Variants in GABBR1 observed in about 807,000 individuals in gnomAD.
GABBR1 encodes GABA-B receptor, R1 subunit.
Under a neutral mutation model 117.7 loss-of-function variants are expected in GABBR1, and 35 were observed. The ratio of observed to expected loss-of-function variants is 0.30; its 90% CI spans 0.23 to 0.39. The LOEUF (loss-of-function observed/expected upper bound fraction) is 0.39. GABBR1 is among the 10% of genes least tolerant of loss of function. The pLI, the probability that GABBR1 is intolerant of heterozygous loss-of-function variation, is 1.00. For synonymous variants in GABBR1, 442 were observed against 486.6 expected (o/e 0.91, Z 1.21); for missense variants, 709 against 1,241.8 (o/e 0.57, Z 6.45).
rs1764379113 is a variant in GABBR1 at position 29,627,369 on chromosome 6, G to C, written c.657+117C>G. ...AGCCCATCTCCTGCCAGTCACACAA[G>C]GGAGGGGTCTGCCTCGCAATCCCAG... On this transcript the variant is annotated intron_variant, in intron 6 of 22. Coordinates refer to ENST00000377034, the MANE Select transcript of GABBR1 (RefSeq NM_001470.4). The surrounding 1 kb of genome is among the most constrained non-coding windows in gnomAD (Gnocchi z 4.4). The C allele has an allele frequency of 9.5e-7, 1 of 1,049,324 alleles. No individual in the cohort carries two copies. Among genetic ancestry groups the C allele is most frequent in the Admixed American group, 2.6e-5 (1 of 38,222 alleles). 65.0% of individuals were successfully genotyped at this position (1,049,324 alleles called of 1,614,324 possible).
In GABBR1 at chr6:29,632,490, C is replaced by T; in HGVS notation, c.1-105G>A. The T allele has an allele frequency of 9.3e-7, 1 of 1,079,860 alleles. No homozygotes were observed. Among genetic ancestry groups the T allele is most frequent in the Non-Finnish European group, 1.2e-6 (1 of 804,640 alleles). 66.9% of individuals were successfully genotyped at this position (1,079,860 alleles called of 1,614,324 possible). A position where few individuals can be genotyped will look rare whatever the true frequency, so the allele number is the denominator to read the frequency against. ...GGTTGCCTCGCAGGCTCCGACCGGG[C>T]TCAGCCTGGGGACCAAGAGAGCGCC... is the stretch of plus-strand genomic sequence containing the variant. On this transcript the variant is annotated intron_variant, in intron 1 of 22. Transcript: ENST00000377034. This position sits in a 1 kb window ranked among gnomAD's most constrained non-coding sequence, Gnocchi z 5.8.
chr6:29,606,403 T>A lies in GABBR1; in HGVS notation c.2299A>T (p.Asn767Tyr). The change falls in exon 19 of 23, where the codon AAT (asparagine) becomes TAT (tyrosine). Residue 767 changes from asparagine to tyrosine, a missense_variant. Physicochemically the swap from Asn to Tyr is moderately radical, Grantham distance 143. This residue lies in a region of GABBR1 where 251 missense variants were observed against 445.3 expected (regional missense o/e 0.56). Transcript: ENST00000377034. This position sits in a 1 kb window ranked among gnomAD's most constrained non-coding sequence, Gnocchi z 4.5. ...ACATCCCACACACCAAGCCATGTAT[T>A]CATCTTCCTGGAGCTGCAATGCTCC... is the stretch of plus-strand genomic sequence containing the variant. Reference protein sequence around the residue: ...QLEHCSSRKMNTWLGIFYGYK... With the variant: ...QLEHCSSRKMYTWLGIFYGYK... 6 of 1,611,912 alleles carry A rather than the reference T, an allele frequency of 3.7e-6. No homozygotes were observed. Among genetic ancestry groups the A allele is most frequent in the Non-Finnish European group, 5.1e-6 (6 of 1,178,910 alleles).
At chr6:29,616,158 G>A (rs942940840) in intron 11 of GABBR1, among the ~76,000 whole-genome samples, 28 of 151,726 alleles carry the variant, frequency 1.8e-4, no homozygotes, top group African/African-American at 5.6e-4. Context: ...CCAAGATCGC[G>A]CCATTGCACT....
At chr6:29,626,406 G>C (rs1301750296) in intron 6 of GABBR1, among the ~76,000 whole-genome samples, 1 of 151,718 alleles carries the variant, frequency 6.6e-6, no homozygotes, top group Non-Finnish European at 1.5e-5. Context: ...AAGTCTCTGG[G>C]GCCACATGTC....
At position 29,602,832 on chromosome 6, in the gene GABBR1, T is replaced by C. The variant is rs1304401638; in HGVS notation, c.*711A>G. The C allele has an allele frequency of 1.7e-5, 6 of 360,790 alleles. No individual in the cohort carries two copies. The highest frequency in any genetic ancestry group is 1.0e-4 in the South Asian group (5 of 48,130). 22.3% of individuals were successfully genotyped at this position (360,790 alleles called of 1,614,324 possible). ...CCCATGACCATGAGAGGGGCACACGTAGCTGTGAATGCAGGGCACCCGAGA... is the reference window on the plus strand; with the variant it reads ...CCCATGACCATGAGAGGGGCACACGCAGCTGTGAATGCAGGGCACCCGAGA... On this transcript the variant is annotated 3_prime_UTR_variant, in exon 23 of 23. Coordinates refer to ENST00000377034, the MANE Select transcript of GABBR1 (RefSeq NM_001470.4).
At chr6:29,616,649 T>C (rs1477974921) in intron 11 of GABBR1, among the ~76,000 whole-genome samples, 2 of 150,886 alleles carry the variant, frequency 1.3e-5, no homozygotes, top group Non-Finnish European at 3.0e-5. Context: ...CACACCATTG[T>C]GCTCCAGCCT....
Position 29,613,470 on chromosome 6 carries a change from C to A in GABBR1, c.1339G>T (p.Val447Leu). The change falls in exon 12 of 23, where the codon GTG (valine) becomes TTG (leucine). Residue 447 changes from valine (V) to leucine (L), a missense_variant. Physicochemically the swap from Val to Leu is conservative, Grantham distance 32. Around this residue, in one of 9 missense-constraint regions of GABBR1, gnomAD observed 192 missense variants for 418.4 expected, o/e 0.46. Coordinates refer to ENST00000377034, the MANE Select transcript of GABBR1 (RefSeq NM_001470.4). This position sits in a 1 kb window ranked among gnomAD's most constrained non-coding sequence, Gnocchi z 4.1. ...SISNMTSQEFVEKLTKRLKRH... is the reference protein window; with the variant it reads ...SISNMTSQEFLEKLTKRLKRH... ...TTCAGTCGCTTGGTTAGTTTCTCCA[C>A]AAATTCCTGGGATGTCTTGGGAGGA... The A allele has an allele frequency of 6.2e-7, 1 of 1,612,772 alleles. No homozygotes were observed.
rs1762504128 is a variant in GABBR1, at chr6:29,611,191, T to C, written c.1631-190A>G. The C allele has an allele frequency of 5.5e-6, 3 of 542,966 alleles. No individual in the cohort carries two copies. Among genetic ancestry groups the C allele is most frequent in the Middle Eastern group, 4.7e-4 (1 of 2,124 alleles). 33.6% of individuals were successfully genotyped at this position (542,966 alleles called of 1,614,324 possible). On this transcript the variant is annotated intron_variant, in intron 13 of 22. Transcript: ENST00000377034. The surrounding 1 kb of genome is among the most constrained non-coding windows in gnomAD (Gnocchi z 4.6). ...AACATGACTTAAAAGCAATATAAGG[T>C]GGTTCCCAAGACAACTCAAATAAAT...
In GABBR1 at chr6:29,623,153, G is replaced by A. The variant is rs976511268; in HGVS notation, c.963+152C>T. 3.0e-6 allele frequency: 2 copies of A among 659,208 alleles called. No homozygotes were observed. The highest frequency in any genetic ancestry group is 5.1e-6 in the Non-Finnish European group (2 of 394,540). 40.8% of individuals were successfully genotyped at this position (659,208 alleles called of 1,614,324 possible). A position where few individuals can be genotyped will look rare whatever the true frequency, so the allele number is the denominator to read the frequency against. ...AAAACTCAACTCATTCTTTCCCCTG[G>A]CTACAGAAAGAACTGCACTTAATCC... On this transcript the variant is annotated intron_variant, in intron 8 of 22. Transcript: ENST00000377034. The surrounding 1 kb of genome is among the most constrained non-coding windows in gnomAD (Gnocchi z 6.2).
At chr6:29,629,195 T>A (rs760519887) in intron 4 of GABBR1, 88 bp from the exon 5 acceptor site, 1 of 1,464,018 alleles carries the variant, frequency 6.8e-7, no homozygotes, top group Non-Finnish European at 9.5e-7. Flanking sequence ...CCCACACCTG[T>A]CCATGCTGAA....
chr6:29,606,223 C>T lies in GABBR1; in HGVS notation c.2311+168G>A, dbSNP rs1010420026. The stretch of plus-strand genomic sequence containing the variant: ...CCTCATAGCAAAAGAGCAACTCTCC[C>T]CTATTCTCAGAAAAGATTAGTGCAA... On this transcript the variant is annotated intron_variant, in intron 19 of 22. Transcript: ENST00000377034. This position sits in a 1 kb window ranked among gnomAD's most constrained non-coding sequence, Gnocchi z 4.5. 3.5e-5 allele frequency: 22 copies of T among 634,786 alleles called. No homozygotes were observed. In the Admixed American group the frequency reaches 4.8e-4, roughly 14 times the overall value. 39.3% of individuals were successfully genotyped at this position (634,786 alleles called of 1,614,324 possible). A position where few individuals can be genotyped will look rare whatever the true frequency, so the allele number is the denominator to read the frequency against.
Position 29,603,136 on chromosome 6 carries a change from A to C in GABBR1, c.*407T>G. The C allele has an allele frequency of 2.1e-6, 1 of 468,144 alleles. No homozygotes were observed. The highest frequency in any genetic ancestry group is 1.5e-5 in the South Asian group (1 of 64,660). 29.0% of individuals were successfully genotyped at this position (468,144 alleles called of 1,614,324 possible). On this transcript the variant is annotated 3_prime_UTR_variant, in exon 23 of 23. Coordinates refer to ENST00000377034, the MANE Select transcript of GABBR1 (RefSeq NM_001470.4). ...GAGGCCCCTTTGGGGTGGAAAGAGC[A>C]CTTGTTGGGAGACCCCTGCTGGACA...
At chr6:29,628,665 G>A (rs773197094) in intron 5 of GABBR1, among the ~76,000 whole-genome samples, 8 of 151,842 alleles carry the variant, frequency 5.3e-5, no homozygotes, top group African/African-American at 9.7e-5. Context: ...GGTTGGGATG[G>A]GTGGGACAGG....
In GABBR1 at chr6:29,632,651, G is replaced by T; in HGVS notation, c.-1+199C>A. ...CACCTCTCACCACCTCCTCTCCCCC[G>T]GCCCCCGCGGCTCGCAGAAGCCTGG... On this transcript the variant is annotated intron_variant, in intron 1 of 22. Transcript: ENST00000377034. The surrounding 1 kb of genome is among the most constrained non-coding windows in gnomAD (Gnocchi z 5.8). 1 of 1,262,284 alleles carries T rather than the reference G, an allele frequency of 7.9e-7. No individual in the cohort carries two copies. Among genetic ancestry groups the T allele is most frequent in the Non-Finnish European group, 1.0e-6 (1 of 998,100 alleles). 78.2% of individuals were successfully genotyped at this position (1,262,284 alleles called of 1,614,324 possible). A position where few individuals can be genotyped will look rare whatever the true frequency, so the allele number is the denominator to read the frequency against.
rs776503786 is a variant in GABBR1 at position 29,606,523 on chromosome 6, G to C, written c.2218-39C>G. 6.5e-6 allele frequency: 9 copies of C among 1,392,502 alleles called. No individual in the cohort carries two copies. The highest frequency in any genetic ancestry group is 7.2e-6 in the Non-Finnish European group (7 of 978,416). 86.3% of individuals were successfully genotyped at this position (1,392,502 alleles called of 1,614,324 possible). A position where few individuals can be genotyped will look rare whatever the true frequency, so the allele number is the denominator to read the frequency against. On this transcript the variant is annotated intron_variant, in intron 18 of 22. Transcript: ENST00000377034. This position sits in a 1 kb window ranked among gnomAD's most constrained non-coding sequence, Gnocchi z 4.5. Reference sequence around the variant, plus strand: ...AAGGTCACAAGAAAGATGGTTGCCAGCCTCCCCTCCTCTCCTCAACGCTTC... The same window carrying C: ...AAGGTCACAAGAAAGATGGTTGCCACCCTCCCCTCCTCTCCTCAACGCTTC...
chr6:29,617,108 T>A (rs1554189041), intron 11 of GABBR1, among the ~76,000 whole-genome samples: 1 of 151,892 alleles, frequency 6.6e-6, no homozygotes, highest in Non-Finnish European at 1.5e-5. Flanking sequence ...TTATTCAGCT[T>A]TAAAATGAGA....
At position 29,606,410 on chromosome 6, in the gene GABBR1, C is replaced by T. The variant is rs778417397; in HGVS notation, c.2292G>A (p.Arg764=). ...ACACACCAAGCCATGTATTCATCTT[C>T]CTGGAGCTGCAATGCTCCAGCTGGG... ...ILPQLEHCSS[R]KMNTWLGIFY... is the part of the protein sequence containing the mutation. Residue 764 remains arginine, a synonymous_variant, in exon 19 of 23, where the codon AGG becomes AGA. Transcript: ENST00000377034. The surrounding 1 kb of genome is among the most constrained non-coding windows in gnomAD (Gnocchi z 4.5). 6.2e-7 allele frequency: 1 copy of T among 1,612,226 alleles called. No homozygotes were observed. The highest frequency in any genetic ancestry group is 1.1e-5 in the South Asian group (1 of 91,060).
chr6:29,624,576 C>A (rs1468747488), intron 6 of GABBR1, among the ~76,000 whole-genome samples: 1 of 152,022 alleles, frequency 6.6e-6, no homozygotes, highest in Admixed American at 6.6e-5. Context: ...TAGGGGGTCC[C>A]GCTCAGTGAT....
chr6:29,608,789 G>A, intron 15 of GABBR1, 56 bp from the exon 16 acceptor site: 1 of 1,581,056 alleles, frequency 6.3e-7, no homozygotes, highest in Non-Finnish European at 8.6e-7. Context: ...CTTCTCCAGG[G>A]AGGCTGAGCT....
Sources: gnomAD v4.1 joint callset for allele counts (sites outside exome capture counted in the v4.1 genomes callset) on GRCh38, gnomAD v4.1.1 for gene constraint, gnomAD v4.1.1 regional missense constraint, Gnocchi (gnomAD v3.1) non-coding constraint, MANE v1.5 for transcripts, NCBI Gene and HGNC (gene_info 2026-07-23, HGNC 2026-07-21) for gene names.